Variants in CSGALNACT2 observed in about 807,000 individuals in gnomAD.
CSGALNACT2 encodes beta 4 GalNAcT-2.
A neutral mutation model predicts 55.3 loss-of-function variants in CSGALNACT2; 35 were observed. The ratio of observed to expected loss-of-function variants is 0.63; its 90% CI spans 0.48 to 0.84. CSGALNACT2 has a LOEUF of 0.84. CSGALNACT2 is among the 40% of genes least tolerant of loss of function. CSGALNACT2 has a pLI of 0.00. For synonymous variants in CSGALNACT2, 196 were observed against 224.9 expected, an observed-to-expected ratio of 0.87 and a Z score of 1.15; for missense variants, 544 against 657.5, an observed-to-expected ratio of 0.83 and a Z score of 1.89.
chr10:43,179,531 A>T (rs914699445), intron 7 of CSGALNACT2, among the ~76,000 whole-genome samples: 2 of 152,124 alleles, frequency 1.3e-5, no homozygotes, highest in Middle Eastern at 3.4e-3. Context: ...CTAGGATGGC[A>T]TTGGATTTAG....
chr10:43,158,551 G>T (rs900783039), intron 2 of CSGALNACT2, among the ~76,000 whole-genome samples, 164 bp from the exon 3 acceptor site: 1 of 151,964 alleles, frequency 6.6e-6, no homozygotes. Context: ...TCTTTTAAGC[G>T]AGTAATTGTT....
At chr10:43,143,475 C>G (rs942239891) in intron 1 of CSGALNACT2, among the ~76,000 whole-genome samples, 5 of 147,420 alleles carry the variant, frequency 3.4e-5, no homozygotes, top group Non-Finnish European at 7.4e-5. Flanking sequence ...GCATTTAAAT[C>G]AAGTTTGCTC....
chr10:43,177,123 C>T (rs1349711615), intron 7 of CSGALNACT2, among the ~76,000 whole-genome samples: 1 of 152,062 alleles, frequency 6.6e-6, no homozygotes, highest in African/African-American at 2.4e-5. Flanking sequence ...CAGGAAATAA[C>T]AATAAAAGGG....
At chr10:43,169,290 G>T (rs764137258) in intron 6 of CSGALNACT2, among the ~76,000 whole-genome samples, 11 of 152,132 alleles carry the variant, frequency 7.2e-5, no homozygotes, top group Admixed American at 3.9e-4. Flanking sequence ...AATTAACCAA[G>T]ACTAACCAAA....
At chr10:43,161,444 G>A (rs1191936488) in intron 4 of CSGALNACT2, among the ~76,000 whole-genome samples, 1 of 152,140 alleles carries the variant, frequency 6.6e-6, no homozygotes, top group Non-Finnish European at 1.5e-5. Flanking sequence ...TGCCAGTTGT[G>A]GCCATTTGCC....
rs116445645 is a variant in CSGALNACT2 at position 43,158,122 on chromosome 10, A to G, written c.662-593A>G. Among the ~76,000 whole-genome samples, 1,424 of 151,340 alleles carry G rather than the reference A, an allele frequency of 9.4e-3. 19 individuals carry two copies. Among genetic ancestry groups the G allele is most frequent in the African/African-American group, 0.033 (1,362 of 41,182 alleles). On this transcript the variant is annotated intron_variant, in intron 2 of 7. Coordinates refer to ENST00000374466, the MANE Select transcript of CSGALNACT2 (RefSeq NM_018590.5). The stretch of plus-strand genomic sequence containing the variant: ...AATCACTGTGTTTAAATCTGTACCA[A>G]TTTTTCTTTGACTTCACTCTAGTCA...
chr10:43,177,650 T>G (rs188489590), intron 7 of CSGALNACT2, among the ~76,000 whole-genome samples: 130 of 152,394 alleles, frequency 8.5e-4, no homozygotes, highest in African/African-American at 2.9e-3. Context: ...TACCACATTT[T>G]GTTTCTCCAT....
intron 1 of CSGALNACT2, among the ~76,000 whole-genome samples, chr10:43,150,055 G>A (rs1166153030): frequency 6.6e-6 from 1 of 152,160 alleles, no homozygotes; most frequent in Non-Finnish European, 1.5e-5. Flanking sequence ...CAACAAGAGC[G>A]AAACTCTGTC....
chr10:43,148,131 AC>A (rs1252123461), intron 1 of CSGALNACT2, among the ~76,000 whole-genome samples: 8 of 152,184 alleles, frequency 5.3e-5, no homozygotes, highest in African/African-American at 1.9e-4. Flanking sequence ...TTGTCCCAGT[AC>A]TATTTATTGA....
intron 6 of CSGALNACT2, among the ~76,000 whole-genome samples, chr10:43,170,366 G>GA (rs1000474571): frequency 2.6e-5 from 4 of 152,260 alleles, no homozygotes; most frequent in African/African-American, 9.6e-5. Flanking sequence ...AAATATACAA[G>GA]AAGACCCTGG....
chr10:43,153,886 G>A (rs1838934744), intron 1 of CSGALNACT2, among the ~76,000 whole-genome samples: 1 of 152,148 alleles, frequency 6.6e-6, no homozygotes, highest in East Asian at 1.9e-4. Context: ...AATTCTTCAT[G>A]TTTTTTCTTT....
Position 43,176,007 on chromosome 10 carries a change from G to A in CSGALNACT2, c.1311G>A (p.Gln437=). 1 of 1,609,636 alleles carries A rather than the reference G, an allele frequency of 6.2e-7. No homozygotes were observed. The highest frequency in any genetic ancestry group is 8.5e-7 in the Non-Finnish European group (1 of 1,178,794). ...WRDFGFGMTC[Q]YRSDFLTIGG... Reference sequence around the variant, plus strand: ...ATTTTGGCTTTGGAATGACTTGTCAGTATCGTTCAGATTTCCTGACCATTG... The same window carrying A: ...ATTTTGGCTTTGGAATGACTTGTCAATATCGTTCAGATTTCCTGACCATTG... The change falls in exon 7 of 8, where the codon CAG becomes CAA. Residue 437 remains glutamine, a synonymous_variant. Coordinates refer to ENST00000374466, the MANE Select transcript of CSGALNACT2 (RefSeq NM_018590.5).
At position 43,154,884 on chromosome 10, in the gene CSGALNACT2, C is replaced by T. The variant is rs1052736833; in HGVS notation, c.-253-13C>T. The T allele has an allele frequency of 1.4e-4, 60 of 418,542 alleles. No homozygotes were observed. The Middle Eastern group carries it at 3.2e-3, about 23-fold the overall frequency. The allele number at this position is 418,542 out of a possible 1,614,324, so 25.9% of individuals were successfully genotyped here. A position where few individuals can be genotyped will look rare whatever the true frequency, so the allele number is the denominator to read the frequency against. The stretch of plus-strand genomic sequence containing the variant: ...GAACAAAATTCTGATTGATTCTGAT[C>T]TGTGTCTTTCAGAAAAATCACTACC... On this transcript the variant is annotated splice_polypyrimidine_tract_variant and intron_variant, in intron 1 of 7. Transcript: ENST00000374466.
rs1396953804 is a variant in CSGALNACT2, at chr10:43,185,275, A to G, written c.*1733A>G. ...TTTTGACATTTATTAAATGGTACCA[A>G]TAAAGTATTTTATTACCAAAAGTTA... is the stretch of plus-strand genomic sequence containing the variant. On this transcript the variant is annotated 3_prime_UTR_variant, in exon 8 of 8. Coordinates refer to ENST00000374466, the MANE Select transcript of CSGALNACT2 (RefSeq NM_018590.5). The G allele has an allele frequency of 4.6e-5, 7 of 152,244 alleles. No homozygotes were observed. The highest frequency in any genetic ancestry group is 1.5e-5 in the Non-Finnish European group (1 of 68,036). 9.4% of individuals were successfully genotyped at this position (152,244 alleles called of 1,614,324 possible).
At chr10:43,173,471 T>C (rs1297829547) in intron 6 of CSGALNACT2, among the ~76,000 whole-genome samples, 2 of 152,174 alleles carry the variant, frequency 1.3e-5, no homozygotes, top group Non-Finnish European at 2.9e-5. Flanking sequence ...CAATAAGGAT[T>C]ATGGACAATT....
At chr10:43,151,287 C>A (rs1696701910) in intron 1 of CSGALNACT2, among the ~76,000 whole-genome samples, 1 of 151,974 alleles carries the variant, frequency 6.6e-6, no homozygotes, top group South Asian at 2.1e-4. Flanking sequence ...CTGGATATTT[C>A]TGTATTCTTA....
rs771503726 is a variant in CSGALNACT2 at position 43,155,642 on chromosome 10, C to T, written c.493C>T (p.Arg165Cys). Residue 165 changes from arginine to cysteine, a missense_variant, in exon 2 of 8, where the codon CGC becomes TGC. Arg to Cys is a radical substitution (Grantham distance 180). Transcript: ENST00000374466. Reference protein sequence around the residue: ...KVFQLEMGLTRHPEEKPVRKD... With the variant: ...KVFQLEMGLTCHPEEKPVRKD... ...ATTTCAATTGGAAATGGGTCTCACTCGCCATCCTGAAGAAAAGCCAGTTAG... is the reference window on the plus strand; with the variant it reads ...ATTTCAATTGGAAATGGGTCTCACTTGCCATCCTGAAGAAAAGCCAGTTAG... 19 of 1,613,996 alleles carry T rather than the reference C, an allele frequency of 1.2e-5. No homozygotes were observed. The highest frequency in any genetic ancestry group is 1.5e-5 in the Non-Finnish European group (18 of 1,180,030).
At chr10:43,148,005 C>T (rs772127101) in intron 1 of CSGALNACT2, among the ~76,000 whole-genome samples, 2 of 151,986 alleles carry the variant, frequency 1.3e-5, no homozygotes, top group African/African-American at 2.4e-5. Context: ...AGGTTTTGTT[C>T]TAAGAGTTTT....
At chr10:43,172,721 T>A (rs1299131745) in intron 6 of CSGALNACT2, among the ~76,000 whole-genome samples, 1 of 152,208 alleles carries the variant, frequency 6.6e-6, no homozygotes, top group Non-Finnish European at 1.5e-5. Flanking sequence ...TGAGGATCTT[T>A]ATTTATTAGG....
Sources: gnomAD v4.1 joint callset for allele counts (sites outside exome capture counted in the v4.1 genomes callset) on GRCh38, gnomAD v4.1.1 for gene constraint, MANE v1.5 for transcripts, NCBI Gene and HGNC (gene_info 2026-07-23, HGNC 2026-07-21) for gene names.